The following IFT56 variants were observed in gnomAD, a reference collection of about 807,000 sequenced individuals.
IFT56 encodes intraflagellar transport protein 56.
At chr7:139,150,696 A>G in the IFT56 span, among the ~76,000 whole-genome samples, 26 of 152,218 alleles carry the variant, frequency 1.7e-4, no homozygotes, top group African/African-American at 6.3e-4. Flanking sequence ...TCTAACTTGT[A>G]TAACAGGGTC....
the IFT56 span, among the ~76,000 whole-genome samples, chr7:139,166,102 C>T: frequency 1.3e-5 from 2 of 152,160 alleles, no homozygotes; most frequent in African/African-American, 4.8e-5. Context: ...GGATTACAGG[C>T]ATGCGCCACC....
the IFT56 span, among the ~76,000 whole-genome samples, chr7:139,182,227 C>T: frequency 1.3e-5 from 2 of 151,672 alleles, no homozygotes; most frequent in African/African-American, 4.9e-5. Flanking sequence ...ATATCTCTTC[C>T]AAAAATGTCA....
At chr7:139,161,270 TG>T in the IFT56 span, 26 of 372,438 alleles carry the variant, frequency 7.0e-5, no homozygotes, top group African/African-American at 5.9e-4. Flanking sequence ...TCCAGGTGTC[TG>T]TTTTTTTGAG....
At chr7:139,165,044 C>A in the IFT56 span, 2 of 975,690 alleles carry the variant, frequency 2.0e-6, no homozygotes, top group South Asian at 1.9e-5. Context: ...TATCATGAAC[C>A]CAGTTATATA....
chr7:139,148,225 G>A, the IFT56 span: 1 of 1,612,252 alleles, frequency 6.2e-7, no homozygotes, highest in Non-Finnish European at 8.5e-7. Flanking sequence ...TGCCCTTAAT[G>A]TTTATGTGGC....
the IFT56 span, chr7:139,137,842 T>C: frequency 6.2e-7 from 1 of 1,610,524 alleles, no homozygotes; most frequent in Non-Finnish European, 8.5e-7. Context: ...ATTTTTAACC[T>C]GAAGTTCAAA....
chr7:139,133,856 A>T, the IFT56 span: 2 of 1,614,252 alleles, frequency 1.2e-6, no homozygotes, highest in Non-Finnish European at 1.7e-6. Context: ...ACCGACGTCA[A>T]GATGGTTAGT....
chr7:139,138,014 A>C, the IFT56 span: 6 of 863,626 alleles, frequency 6.9e-6, no homozygotes, highest in African/African-American at 1.7e-5. Context: ...ATAATAATAC[A>C]TATTCATGGT....
chr7:139,188,487 ATGAATAGGAAATGTGTTAATTT>A, the IFT56 span, among the ~76,000 whole-genome samples: 1 of 152,250 alleles, frequency 6.6e-6, no homozygotes, highest in Non-Finnish European at 1.5e-5. Flanking sequence ...TTACTGATAC[ATGAATAGGAAATGTGTTAATTT>A]TGTAAGAAAA....
the IFT56 span, among the ~76,000 whole-genome samples, chr7:139,152,080 C>A: frequency 3.3e-5 from 5 of 152,110 alleles, no homozygotes; most frequent in Non-Finnish European, 5.9e-5. Context: ...AAAAAGAAAC[C>A]ATTTCCTAGC....
At chr7:139,187,392 G>T in the IFT56 span, 43 of 1,613,096 alleles carry the variant, frequency 2.7e-5, no homozygotes, top group African/African-American at 5.5e-4. Context: ...TACCACATAC[G>T]TTCTCTTATT....
chr7:139,159,261 C>T, the IFT56 span, among the ~76,000 whole-genome samples: 1 of 152,076 alleles, frequency 6.6e-6, no homozygotes, highest in Admixed American at 6.5e-5. Flanking sequence ...AATTCAGTTC[C>T]TTTAGTGGTT....
the IFT56 span, among the ~76,000 whole-genome samples, chr7:139,152,876 C>T: frequency 6.6e-6 from 1 of 152,206 alleles, no homozygotes; most frequent in Non-Finnish European, 1.5e-5. Flanking sequence ...TGGCCAGGCA[C>T]AGTGTCTCAT....
chr7:139,158,906 C>G, the IFT56 span, among the ~76,000 whole-genome samples: 5 of 151,852 alleles, frequency 3.3e-5, no homozygotes, highest in Admixed American at 3.3e-4. Context: ...AGAGTGAGAC[C>G]CTGTCTCAAA....
the IFT56 span, among the ~76,000 whole-genome samples, chr7:139,137,220 G>A: frequency 5.9e-5 from 9 of 152,282 alleles, no homozygotes; most frequent in African/African-American, 2.2e-4. Context: ...CTTTTCTTTT[G>A]TTGGCTGAGG....
At chr7:139,157,004 A>T in the IFT56 span, among the ~76,000 whole-genome samples, 2 of 152,220 alleles carry the variant, frequency 1.3e-5, no homozygotes, top group African/African-American at 4.8e-5. Context: ...ATCCAAACAC[A>T]AAAACAAACC....
At chr7:139,157,679 A>G in the IFT56 span, among the ~76,000 whole-genome samples, 1 of 150,724 alleles carries the variant, frequency 6.6e-6, no homozygotes, top group African/African-American at 2.4e-5. Context: ...AATTTTTTAA[A>G]CTTTTTAAAT....
chr7:139,148,521 T>C, the IFT56 span: 4 of 703,050 alleles, frequency 5.7e-6, no homozygotes, highest in Non-Finnish European at 9.2e-6. Flanking sequence ...AAGAACCTAA[T>C]TATATGTTTA....
chr7:139,152,092 C>T, the IFT56 span, among the ~76,000 whole-genome samples: 2 of 152,132 alleles, frequency 1.3e-5, no homozygotes, highest in Admixed American at 1.3e-4. Flanking sequence ...TTTCCTAGCT[C>T]AAGATTATAT....
Sources: gnomAD v4.1 joint callset for allele counts (sites outside exome capture counted in the v4.1 genomes callset) on GRCh38, gnomAD v4.1.1 for gene constraint, MANE v1.5 for transcripts, NCBI Gene and HGNC (gene_info 2026-07-23, HGNC 2026-07-21) for gene names.